BLTP1: variants seen among roughly 807,000 people sequenced by gnomAD.
The protein encoded by BLTP1 is fragile site-associated protein.
chr4:122,193,645 T>C, the BLTP1 span: 6 of 813,294 alleles, frequency 7.4e-6, no homozygotes, highest in South Asian at 2.8e-4. Flanking sequence ...ATTAGACATT[T>C]CTTAAAATTA....
the BLTP1 span, chr4:122,344,899 T>C: frequency 1.0e-6 from 1 of 985,210 alleles, no homozygotes; most frequent in East Asian, 1.1e-4. Context: ...TAAAACGGGA[T>C]GAGTGATGTT....
chr4:122,219,251 A>G, the BLTP1 span: 1 of 1,519,912 alleles, frequency 6.6e-7, no homozygotes, highest in Non-Finnish European at 8.8e-7. Flanking sequence ...AGGTTAAGGA[A>G]ATGCATAATT....
the BLTP1 span, chr4:122,301,071 TA>T: frequency 2.2e-6 from 2 of 914,630 alleles, no homozygotes; most frequent in Non-Finnish European, 2.6e-6. Context: ...GGTTCAATAA[TA>T]TATACAGTGT....
At chr4:122,305,685 C>T in the BLTP1 span, 4 of 936,938 alleles carry the variant, frequency 4.3e-6, no homozygotes, top group South Asian at 1.5e-4. Context: ...TTCATATTTA[C>T]TTCTTGCATG....
chr4:122,303,947 T>G, the BLTP1 span, among the ~76,000 whole-genome samples: 3 of 152,184 alleles, frequency 2.0e-5, no homozygotes, highest in Non-Finnish European at 4.4e-5. Context: ...AAGGATTGAC[T>G]GTAACTTTGG....
the BLTP1 span, chr4:122,269,086 C>T: frequency 1.0e-6 from 1 of 965,436 alleles, no homozygotes; most frequent in Admixed American, 6.2e-5. Flanking sequence ...CCTACACATA[C>T]TCTCTAGGGT....
chr4:122,277,672 T>C, the BLTP1 span: 1 of 976,302 alleles, frequency 1.0e-6, no homozygotes, highest in Non-Finnish European at 1.2e-6. Flanking sequence ...TTTTATCATT[T>C]GTTTACCACT....
the BLTP1 span, chr4:122,204,523 G>C: frequency 1.0e-6 from 1 of 984,494 alleles, no homozygotes; most frequent in Non-Finnish European, 1.2e-6. Flanking sequence ...GGAGGTGGAA[G>C]ACATTTAAGA....
the BLTP1 span, chr4:122,194,423 C>T: frequency 1.7e-5 from 7 of 422,908 alleles, no homozygotes; most frequent in Non-Finnish European, 2.2e-5. Flanking sequence ...AAATACTTTT[C>T]ACATTATTGG....
chr4:122,298,335 A>G, the BLTP1 span: 1 of 428,346 alleles, frequency 2.3e-6, no homozygotes, highest in Non-Finnish European at 3.1e-6. Context: ...AGAAACTAAG[A>G]ACTCTCTTAG....
chr4:122,319,876 T>C, the BLTP1 span, among the ~76,000 whole-genome samples: 1 of 151,782 alleles, frequency 6.6e-6, no homozygotes, highest in African/African-American at 2.4e-5. Flanking sequence ...AAGTTATGCT[T>C]TTTGGTCCAG....
chr4:122,251,490 A>G, the BLTP1 span: 1 of 948,080 alleles, frequency 1.1e-6, no homozygotes. Context: ...GTTTAATCAC[A>G]GTTTTATTTT....
the BLTP1 span, among the ~76,000 whole-genome samples, chr4:122,335,881 A>C: frequency 6.6e-6 from 1 of 152,126 alleles, no homozygotes; most frequent in African/African-American, 2.4e-5. Flanking sequence ...ATATTGTTAA[A>C]GTTCTCTATA....
At chr4:122,289,924 G>A in the BLTP1 span, 10 of 337,994 alleles carry the variant, frequency 3.0e-5, no homozygotes, top group Non-Finnish European at 3.8e-5. Flanking sequence ...AAAAACTACT[G>A]TAGTCTAAAG....
the BLTP1 span, chr4:122,227,213 T>C: frequency 1.0e-6 from 1 of 995,384 alleles, no homozygotes; most frequent in Non-Finnish European, 1.2e-6. Flanking sequence ...CAGACCACTC[T>C]GGACATGCCG....
At chr4:122,275,848 C>T in the BLTP1 span, 3 of 1,146,426 alleles carry the variant, frequency 2.6e-6, no homozygotes, top group East Asian at 3.0e-5. Context: ...TTTAAAGGAA[C>T]ATTTTAAGAG....
At chr4:122,302,315 C>G in the BLTP1 span, 1 of 887,958 alleles carries the variant, frequency 1.1e-6, no homozygotes, top group Middle Eastern at 5.7e-4. Flanking sequence ...TGTTTTATTG[C>G]ACTTCGCTTT....
At chr4:122,335,192 G>T in the BLTP1 span, among the ~76,000 whole-genome samples, 1 of 152,030 alleles carries the variant, frequency 6.6e-6, no homozygotes, top group Admixed American at 6.6e-5. Flanking sequence ...GTGTTCTCAT[G>T]ATATGGCAGT....
At chr4:122,175,373 T>G in the BLTP1 span, 1 of 566,760 alleles carries the variant, frequency 1.8e-6, no homozygotes, top group Middle Eastern at 9.2e-4. Flanking sequence ...TTATGAGAAA[T>G]GAAGGAACAT....
Sources: gnomAD v4.1 joint callset for allele counts (sites outside exome capture counted in the v4.1 genomes callset) on GRCh38, gnomAD v4.1.1 for gene constraint, MANE v1.5 for transcripts, NCBI Gene and HGNC (gene_info 2026-07-23, HGNC 2026-07-21) for gene names.